Variants in MAPT observed in about 807,000 individuals in gnomAD.
The protein encoded by MAPT is microtubule-associated protein tau.
MAPT carries 34 observed loss-of-function variants against 67.9 expected under a neutral mutation model. That is an observed-to-expected ratio of 0.50 (90% CI 0.38 to 0.67). The LOEUF is 0.67. Ranked by LOEUF, MAPT falls within the 30% of genes least tolerant of loss-of-function variation. MAPT has a pLI of 0.00. For missense variants in MAPT, 881 were observed against 1,115.2 expected (o/e 0.79, Z 2.99); for synonymous variants, 456 against 464.5 (o/e 0.98, Z 0.23).
intron 1 of MAPT, among the ~76,000 whole-genome samples, chr17:45,947,763 C>T (rs549117880): frequency 1.3e-5 from 2 of 152,186 alleles, no homozygotes; most frequent in South Asian, 4.2e-4. Context: ...CATCTAAGCT[C>T]CAACTTTCCA....
intron 1 of MAPT, among the ~76,000 whole-genome samples, chr17:45,926,261 T>C (rs1262707997): frequency 6.7e-6 from 1 of 149,872 alleles, no homozygotes; most frequent in Admixed American, 6.7e-5. Context: ...GACATAACTA[T>C]ATAATCCTTA....
At chr17:45,956,681 T>C (rs1266160039) in intron 1 of MAPT, among the ~76,000 whole-genome samples, 1 of 151,480 alleles carries the variant, frequency 6.6e-6, no homozygotes, top group Non-Finnish European at 1.5e-5. Flanking sequence ...TGTGCCATGT[T>C]GGTGTGCTGC....
intron 1 of MAPT, among the ~76,000 whole-genome samples, chr17:45,921,810 A>G (rs2065751531): frequency 6.6e-6 from 1 of 152,146 alleles, no homozygotes; most frequent in Non-Finnish European, 1.5e-5. Context: ...TGAGGCAAGG[A>G]TTTTGAGACC....
rs760049824 is a variant in MAPT, at chr17:45,983,867, T to C, written c.1288T>C (p.Ser430Pro). The C allele has an allele frequency of 9.4e-6, 15 of 1,599,234 alleles. No individual in the cohort carries two copies. The highest frequency in any genetic ancestry group is 5.1e-6 in the Non-Finnish European group (6 of 1,174,980). The change falls in exon 5 of 13, where the codon TCT becomes CCT. Residue 430 changes from serine to proline, a missense_variant. Around this residue, in one of 6 missense-constraint regions of MAPT, gnomAD observed 687 missense variants for 766.1 expected, o/e 0.90. Transcript: ENST00000262410. ...AAAAGAGGCTGACCTTCCAGAGCCC[T>C]CTGAAAAGCAGCCTGCTGCTGCTCC... ...DTKEADLPEP[S>P]EKQPAAAPRG...
At chr17:45,975,954 GC>G (rs2072294319) in intron 3 of MAPT, 1 of 152,150 alleles carries the variant, frequency 6.6e-6, no homozygotes, top group African/African-American at 2.4e-5. Flanking sequence ...TCTTACCCCA[GC>G]CTGCCATCTC....
At position 45,922,022 on chromosome 17, in the gene MAPT, G is replaced by A. The variant is rs369910124; in HGVS notation, c.-18+27336G>A. Among the ~76,000 whole-genome samples the A allele has an allele frequency of 4.4e-4, 66 of 151,614 alleles. No individual in the cohort carries two copies. In the East Asian group the frequency reaches 9.1e-3, roughly 21 times the overall value. On this transcript the variant is annotated intron_variant, in intron 1 of 12. Coordinates refer to ENST00000262410, the MANE Select transcript of MAPT (RefSeq NM_001377265.1). ...GCTGATTCTGTAACTCGGTGAGTTT[G>A]CTTTTTTTTTTTCCTCCATCACCCA... is the stretch of plus-strand genomic sequence containing the variant.
At chr17:45,992,063 G>A (rs1014641707) in intron 8 of MAPT, among the ~76,000 whole-genome samples, 8 of 152,092 alleles carry the variant, frequency 5.3e-5, no homozygotes, top group Non-Finnish European at 1.5e-5. Flanking sequence ...TGGGATTACA[G>A]GCATGAGCCA....
rs1351304787 is a variant in MAPT, at chr17:46,027,564, A to AGAT, written c.*3394_*3396dup. 2 of 152,040 alleles carry AGAT rather than the reference A, an allele frequency of 1.3e-5. No homozygotes were observed. Among genetic ancestry groups the AGAT allele is most frequent in the African/African-American group, 4.8e-5 (2 of 41,346 alleles). 9.4% of individuals were successfully genotyped at this position (152,040 alleles called of 1,614,324 possible). On this transcript the variant is annotated 3_prime_UTR_variant, in exon 13 of 13. Transcript: ENST00000262410. ...TGGGGGGAGGGGGGAGGAATGTGTA[A>AGAT]GATAGTTAACATGGGCAAAGGGAGA...
intron 7 of MAPT, chr17:45,990,371 T>C: frequency 2.0e-6 from 1 of 488,870 alleles, no homozygotes; most frequent in Non-Finnish European, 3.7e-6. Context: ...CCCAGCTCTT[T>C]AGGAGGCCGA....
chr17:45,943,810 A>AG (rs2068213588), intron 1 of MAPT, among the ~76,000 whole-genome samples: 1 of 152,152 alleles, frequency 6.6e-6, no homozygotes, highest in African/African-American at 2.4e-5. Flanking sequence ...GCTGGAAGGA[A>AG]TGAGGAACAG....
At chr17:45,903,815 TATAA>T (rs2063802824) in intron 1 of MAPT, among the ~76,000 whole-genome samples, 1 of 27,160 alleles carries the variant, frequency 3.7e-5, no homozygotes, top group African/African-American at 1.6e-4. Context: ...TAATATAATA[TATAA>T]ATATATTATA....
intron 12 of MAPT, among the ~76,000 whole-genome samples, chr17:46,021,244 G>A (rs1476585493): frequency 1.3e-5 from 2 of 152,230 alleles, no homozygotes; most frequent in Non-Finnish European, 1.5e-5. Context: ...CTCGGGTTGC[G>A]CGACAGGGAT....
chr17:45,923,557 G>A (rs1209495536), intron 1 of MAPT, among the ~76,000 whole-genome samples: 3 of 152,206 alleles, frequency 2.0e-5, no homozygotes, highest in Non-Finnish European at 2.9e-5. Flanking sequence ...ATTCTTTCAC[G>A]TTAATGTCTT....
At chr17:45,961,385 C>T (rs1297464149) in intron 1 of MAPT, among the ~76,000 whole-genome samples, 2 of 152,150 alleles carry the variant, frequency 1.3e-5, no homozygotes, top group Non-Finnish European at 2.9e-5. Flanking sequence ...CTGTGGGGTG[C>T]TTCTCAGCCC....
chr17:45,963,266 T>C (rs2070655603), intron 2 of MAPT, among the ~76,000 whole-genome samples: 1 of 152,230 alleles, frequency 6.6e-6, no homozygotes, highest in Non-Finnish European at 1.5e-5. Flanking sequence ...ACTTCGCCTC[T>C]TCCTCTCTCT....
intron 5 of MAPT, among the ~76,000 whole-genome samples, chr17:45,984,338 C>T (rs1356768519): frequency 6.6e-6 from 1 of 152,234 alleles, no homozygotes; most frequent in Non-Finnish European, 1.5e-5. Flanking sequence ...CCCCACTTTG[C>T]AGATGAGGAA....
At chr17:46,012,671 C>T (rs1385793327) in intron 10 of MAPT, among the ~76,000 whole-genome samples, 2 of 151,976 alleles carry the variant, frequency 1.3e-5, no homozygotes, top group African/African-American at 4.8e-5. Flanking sequence ...CCTCCCTGCC[C>T]TCCAGGTATC....
chr17:45,935,117 A>G (rs2067205677), intron 1 of MAPT, among the ~76,000 whole-genome samples: 1 of 152,142 alleles, frequency 6.6e-6, no homozygotes, highest in Non-Finnish European at 1.5e-5. Flanking sequence ...AAAATCGACC[A>G]TGGTAGGGCC....
intron 1 of MAPT, among the ~76,000 whole-genome samples, chr17:45,934,086 G>C (rs542436978): frequency 6.6e-6 from 1 of 152,104 alleles, no homozygotes; most frequent in Non-Finnish European, 1.5e-5. Flanking sequence ...CATGGGCCAG[G>C]TGTAGGAGCT....
Sources: gnomAD v4.1 joint callset for allele counts (sites outside exome capture counted in the v4.1 genomes callset) on GRCh38, gnomAD v4.1.1 for gene constraint, gnomAD v4.1.1 regional missense constraint, MANE v1.5 for transcripts, NCBI Gene and HGNC (gene_info 2026-07-23, HGNC 2026-07-21) for gene names.